The following DCAF8L2 variants were observed in gnomAD, a reference collection of about 807,000 sequenced individuals.
The protein encoded by DCAF8L2 is DDB1- and CUL4-associated factor 8-like protein 2.
For missense variants in DCAF8L2, 430 were observed against 490.7 expected (o/e 0.88, Z 1.17); for synonymous variants, 200 against 190.9 (o/e 1.05, Z -0.39).
intron 2 of DCAF8L2, among the ~76,000 whole-genome samples, chrX:27,654,762 TAAC>T (rs1005028106): frequency 4.5e-5 from 5 of 112,000 alleles, no homozygotes; most frequent in Admixed American, 1.9e-4. Flanking sequence ...TATAATATGT[TAAC>T]AAGATTTATA....
chrX:27,565,730 T>G, the DCAF8L2 span, among the ~76,000 whole-genome samples: 1 of 111,356 alleles, frequency 9.0e-6, no homozygotes, highest in Non-Finnish European at 1.9e-5. Flanking sequence ...CCAAGGAGTG[T>G]GGACACCAAG....
At chrX:27,617,378 G>T (rs917915161) in intron 1 of DCAF8L2, among the ~76,000 whole-genome samples, 2 of 110,278 alleles carry the variant, frequency 1.8e-5, no homozygotes, top group Admixed American at 2.0e-4. Flanking sequence ...TTCTCTGCTT[G>T]TAAGTTTTCT....
chrX:27,732,245 T>C (rs1266248440), intron 4 of DCAF8L2, among the ~76,000 whole-genome samples: 1 of 111,387 alleles, frequency 9.0e-6, no homozygotes. Flanking sequence ...CTTACATAAC[T>C]GCAATTTTGT....
At chrX:27,552,351 C>T in the DCAF8L2 span, among the ~76,000 whole-genome samples, 1 of 110,783 alleles carries the variant, frequency 9.0e-6, no homozygotes, top group East Asian at 2.8e-4. Context: ...TTTTTGTAGT[C>T]TTATAAAAAA....
chrX:27,726,105 T>C (rs1460340802), intron 4 of DCAF8L2, among the ~76,000 whole-genome samples: 1 of 111,528 alleles, frequency 9.0e-6, no homozygotes, highest in African/African-American at 3.2e-5. Flanking sequence ...GACCAAAAAC[T>C]GCCACTTATT....
At chrX:27,687,344 C>T (rs1399113505) in intron 3 of DCAF8L2, among the ~76,000 whole-genome samples, 1 of 111,493 alleles carries the variant, frequency 9.0e-6, no homozygotes, top group Non-Finnish European at 1.9e-5. Context: ...AAAACCTGTT[C>T]AGTGAATAAA....
chrX:27,683,675 A>G (rs1479298057), intron 3 of DCAF8L2, among the ~76,000 whole-genome samples: 1 of 112,158 alleles, frequency 8.9e-6, no homozygotes, highest in African/African-American at 3.2e-5. Flanking sequence ...ATTTTAAAGC[A>G]TCTGGGACAT....
the DCAF8L2 span, among the ~76,000 whole-genome samples, chrX:27,471,611 C>A: frequency 1.8e-5 from 2 of 111,681 alleles, no homozygotes; most frequent in Non-Finnish European, 3.8e-5. Flanking sequence ...TCAAAAAATT[C>A]TTTGCCCACA....
chrX:27,574,830 C>T, the DCAF8L2 span, among the ~76,000 whole-genome samples: 2 of 110,982 alleles, frequency 1.8e-5, no homozygotes, highest in Non-Finnish European at 3.8e-5. Context: ...TGTGAGGCTC[C>T]GACCTCACGG....
intron 4 of DCAF8L2, among the ~76,000 whole-genome samples, chrX:27,719,193 G>C (rs1312129174): frequency 3.6e-5 from 4 of 111,191 alleles, no homozygotes; most frequent in African/African-American, 1.3e-4. Flanking sequence ...GAGAAATGCA[G>C]TTGCTTCATA....
the DCAF8L2 span, among the ~76,000 whole-genome samples, chrX:27,535,420 C>A: frequency 8.9e-6 from 1 of 111,743 alleles, no homozygotes; most frequent in South Asian, 3.7e-4. Flanking sequence ...CCATTTACTG[C>A]CACTGTCACC....
chrX:27,642,870 A>C (rs1928794895), intron 2 of DCAF8L2, among the ~76,000 whole-genome samples: 1 of 112,067 alleles, frequency 8.9e-6, no homozygotes. Context: ...TGGACGTTGC[A>C]GGTGATATGA....
At chrX:27,658,461 G>GA (rs1172819557) in intron 2 of DCAF8L2, among the ~76,000 whole-genome samples, 8 of 111,920 alleles carry the variant, frequency 7.1e-5, no homozygotes, top group African/African-American at 2.6e-4. Context: ...TAGCTTATCT[G>GA]AAAAAATGTA....
chrX:27,720,328 A>G (rs1931849698), intron 4 of DCAF8L2, among the ~76,000 whole-genome samples: 1 of 111,543 alleles, frequency 9.0e-6, no homozygotes, highest in African/African-American at 3.3e-5. Context: ...CCCCAAAGTT[A>G]TTCTTTTTCA....
chrX:27,641,946 T>C (rs1928746013), intron 2 of DCAF8L2, among the ~76,000 whole-genome samples: 1 of 109,463 alleles, frequency 9.1e-6, no homozygotes, highest in African/African-American at 3.3e-5. Flanking sequence ...TGGAGTGCAG[T>C]AGGACAATCT....
the DCAF8L2 span, among the ~76,000 whole-genome samples, chrX:27,506,775 GC>G: frequency 7.2e-5 from 8 of 111,228 alleles, no homozygotes; most frequent in Non-Finnish European, 1.5e-4. Context: ...TGCAACCTCT[GC>G]CTCCCGGGTT....
At chrX:27,544,010 C>G in the DCAF8L2 span, among the ~76,000 whole-genome samples, 1 of 111,995 alleles carries the variant, frequency 8.9e-6, no homozygotes, top group Non-Finnish European at 1.9e-5. Context: ...TGCATTGATA[C>G]AGCCAGGTTT....
At chrX:27,610,960 C>T (rs902846118) in intron 1 of DCAF8L2, among the ~76,000 whole-genome samples, 1 of 111,664 alleles carries the variant, frequency 9.0e-6, no homozygotes, top group African/African-American at 3.3e-5. Flanking sequence ...CTTTTTTAAT[C>T]GGAAAAAAAA....
At chrX:27,634,950 A>ATG (rs1301657543) in intron 2 of DCAF8L2, among the ~76,000 whole-genome samples, 1 of 97,924 alleles carries the variant, frequency 1.0e-5, no homozygotes, top group Non-Finnish European at 2.0e-5. Flanking sequence ...TACACAAACC[A>ATG]TGTATATACA....
Sources: allele counts gnomAD v4.1 joint callset (sites outside exome capture counted in the v4.1 genomes callset), GRCh38; gene constraint gnomAD v4.1.1; transcripts MANE v1.5; gene names NCBI Gene and HGNC (gene_info 2026-07-23, HGNC 2026-07-21).